CNTNAP4: variants seen among roughly 807,000 people sequenced by gnomAD.
CNTNAP4 encodes contactin-associated protein-like 4.
In CNTNAP4, 98 loss-of-function variants were observed where a neutral mutation model predicts 148.4. The ratio of observed to expected loss-of-function variants is 0.66; its 90% CI spans 0.56 to 0.78. The LOEUF is 0.78. Among genes scored for constraint, CNTNAP4 ranks in the 30% least tolerant of loss-of-function variants. The probability of loss-of-function intolerance (pLI) is 0.00; values close to 1 mark genes in which losing one functional copy is unlikely to be tolerated. For synonymous variants in CNTNAP4, 730 were observed against 565.1 expected (o/e 1.29, Z -4.14); for missense variants, 1,935 against 1,565.6 (o/e 1.24, Z -3.98).
chr16:76,406,697 C>G (rs529299988), intron 3 of CNTNAP4, among the ~76,000 whole-genome samples: 6 of 152,240 alleles, frequency 3.9e-5, no homozygotes, highest in African/African-American at 1.4e-4. Flanking sequence ...GATAGAAGAT[C>G]AAATCAGCCA....
intron 3 of CNTNAP4, among the ~76,000 whole-genome samples, chr16:76,374,942 C>T (rs112664442): frequency 3.3e-5 from 5 of 151,548 alleles, no homozygotes; most frequent in South Asian, 2.1e-4. Context: ...TAATTTTTGT[C>T]TTTTTTAGTA....
Position 76,294,589 on chromosome 16 carries a change from A to G in CNTNAP4, c.85+16842A>G, listed in dbSNP as rs1233520890. Among the ~76,000 whole-genome samples, 3 of 152,228 alleles carry G rather than the reference A, an allele frequency of 2.0e-5. No individual in the cohort carries two copies. The East Asian group carries it at 5.8e-4, about 29-fold the overall frequency. On this transcript the variant is annotated intron_variant, in intron 1 of 23. Coordinates refer to ENST00000611870, the MANE Select transcript of CNTNAP4 (RefSeq NM_033401.5). ...AACTAAATATGTTAAAAAATTTCTTAGTAAAATATTTTTTACATTCCTTGG... is the reference window on the plus strand; with the variant it reads ...AACTAAATATGTTAAAAAATTTCTTGGTAAAATATTTTTTACATTCCTTGG...
chr16:76,442,770 A>C (rs1418359197), intron 4 of CNTNAP4, among the ~76,000 whole-genome samples: 4 of 152,100 alleles, frequency 2.6e-5, no homozygotes, highest in Admixed American at 6.6e-5. Context: ...TCATGGTTCA[A>C]ACCCTTTCCA....
chr16:76,382,053 T>A (rs2016030411), intron 3 of CNTNAP4, among the ~76,000 whole-genome samples: 1 of 92,978 alleles, frequency 1.1e-5, no homozygotes, highest in African/African-American at 4.5e-5. Context: ...AGAGCGAGAC[T>A]CCGTCTCAAA....
chr16:76,557,717 A>G (rs1309288997), intron 23 of CNTNAP4: 2 of 152,254 alleles, frequency 1.3e-5, no homozygotes, highest in African/African-American at 4.8e-5. Context: ...TTTGTTTTAT[A>G]CCAAATTTGG....
intron 2 of CNTNAP4, among the ~76,000 whole-genome samples, chr16:76,337,279 C>T (rs1042992835): frequency 3.3e-5 from 5 of 152,138 alleles, no homozygotes; most frequent in African/African-American, 1.2e-4. Flanking sequence ...GGGGAACCAG[C>T]CCCCAGTATT....
intron 1 of CNTNAP4, among the ~76,000 whole-genome samples, chr16:76,294,444 A>T (rs1200728701): frequency 3.3e-5 from 5 of 152,198 alleles, no homozygotes; most frequent in Non-Finnish European, 5.9e-5. Context: ...TTTATCCCCA[A>T]GAATTACACT....
chr16:76,286,762 A>G (rs1958904572), intron 1 of CNTNAP4, among the ~76,000 whole-genome samples: 2 of 152,216 alleles, frequency 1.3e-5, no homozygotes, highest in Non-Finnish European at 2.9e-5. Context: ...GATTTTAAAC[A>G]AAAAGAATTT....
intron 15 of CNTNAP4, among the ~76,000 whole-genome samples, chr16:76,510,552 A>C (rs1215390949): frequency 2.0e-5 from 3 of 152,048 alleles, no homozygotes; most frequent in Admixed American, 2.0e-4. Context: ...CTCTTTAGGA[A>C]CTGGCGTAAT....
intron 14 of CNTNAP4, among the ~76,000 whole-genome samples, chr16:76,496,940 T>C (rs568469354): frequency 6.6e-6 from 1 of 152,276 alleles, no homozygotes; most frequent in South Asian, 2.1e-4. Context: ...ATAATCACAA[T>C]GTGTAAACAA....
At chr16:76,353,675 G>A (rs1050030357) in intron 2 of CNTNAP4, among the ~76,000 whole-genome samples, 17 of 152,104 alleles carry the variant, frequency 1.1e-4, no homozygotes, top group African/African-American at 4.1e-4. Context: ...TCATACAGAA[G>A]CTGCCTCCTA....
intron 3 of CNTNAP4, among the ~76,000 whole-genome samples, chr16:76,385,576 G>A (rs1024111012): frequency 4.1e-5 from 6 of 145,336 alleles, no homozygotes; most frequent in Admixed American, 1.4e-4. Flanking sequence ...GTGTGTGTGT[G>A]TAGAGAGAGT....
chr16:76,489,730 A>G lies in CNTNAP4; in HGVS notation c.1927A>G (p.Arg643Gly), dbSNP rs761163184. The G allele has an allele frequency of 1.2e-6, 2 of 1,605,400 alleles. No homozygotes were observed. The highest frequency in any genetic ancestry group is 2.2e-5 in the East Asian group (1 of 44,682). Residue 643 changes from arginine to glycine, a missense_variant, in exon 13 of 24, where the codon AGA becomes GGA. Physicochemically the swap from Arg to Gly is moderately radical, Grantham distance 125 (BLOSUM62 -2). Coordinates refer to ENST00000611870, the MANE Select transcript of CNTNAP4 (RefSeq NM_033401.5). Reference protein sequence around the residue: ...IIQHNGSDLTRVRNTNPENPY... With the variant: ...IIQHNGSDLTGVRNTNPENPY... ...ACAGCACAACGGCTCTGACTTAACAAGAGTCAGAAATACTAATCCAGAGAA... is the reference window on the plus strand; with the variant it reads ...ACAGCACAACGGCTCTGACTTAACAGGAGTCAGAAATACTAATCCAGAGAA...
chr16:76,428,221 C>T (rs993001929), intron 4 of CNTNAP4, among the ~76,000 whole-genome samples: 2 of 151,976 alleles, frequency 1.3e-5, no homozygotes, highest in Non-Finnish European at 2.9e-5. Flanking sequence ...GAGGAAGGGA[C>T]CTAAGAGTTA....
At chr16:76,297,112 T>A (rs1959392580) in intron 1 of CNTNAP4, among the ~76,000 whole-genome samples, 1 of 152,202 alleles carries the variant, frequency 6.6e-6, no homozygotes, top group Non-Finnish European at 1.5e-5. Context: ...CAAAAAGTGT[T>A]TTAGCATTTT....
intron 4 of CNTNAP4, 65 bp downstream of exon 4, chr16:76,427,664 A>T: frequency 3.5e-6 from 5 of 1,423,278 alleles, no homozygotes; most frequent in Non-Finnish European, 4.7e-6. Context: ...AAGCCAAACT[A>T]CAAACTGAAA....
chr16:76,297,414 G>A (rs1379231572), intron 1 of CNTNAP4, among the ~76,000 whole-genome samples: 3 of 152,076 alleles, frequency 2.0e-5, no homozygotes, highest in Non-Finnish European at 4.4e-5. Flanking sequence ...TCATAATAAT[G>A]TATTTAATTT....
chr16:76,487,404 G>A (rs1177420139), intron 12 of CNTNAP4, among the ~76,000 whole-genome samples: 1 of 152,198 alleles, frequency 6.6e-6, no homozygotes, highest in Non-Finnish European at 1.5e-5. Flanking sequence ...GGAAAGACCA[G>A]TAAAGTCAAC....
In CNTNAP4 at chr16:76,310,382, A is replaced by AT. The variant is rs559680403; in HGVS notation, c.86-6030dup. ...CAAACATAATTCCATACTTTCTTAA[A>AT]TATGTTGATGATTTCTAATTTTAAC... On this transcript the variant is annotated intron_variant, in intron 1 of 23. Coordinates refer to ENST00000611870, the MANE Select transcript of CNTNAP4 (RefSeq NM_033401.5). Among the ~76,000 whole-genome samples, 59 of 152,272 alleles carry AT rather than the reference A, an allele frequency of 3.9e-4. No individual in the cohort carries two copies. The South Asian group carries it at 0.012, about 31-fold the overall frequency.
Sources: gnomAD v4.1 joint callset for allele counts (sites outside exome capture counted in the v4.1 genomes callset) on GRCh38, gnomAD v4.1.1 for gene constraint, MANE v1.5 for transcripts, NCBI Gene and HGNC (gene_info 2026-07-23, HGNC 2026-07-21) for gene names.